Variants in PLCB1 observed in about 807,000 individuals in gnomAD.
The protein encoded by PLCB1 is 1-phosphatidylinositol 4,5-bisphosphate phosphodiesterase beta-1.
Under a neutral mutation model 161.8 loss-of-function variants are expected in PLCB1, and 46 were observed. The observed-to-expected ratio is 0.28, with a 90% CI of 0.22 to 0.36. The LOEUF is 0.36. PLCB1 is among the 10% of genes least tolerant of loss of function. PLCB1 has a pLI of 1.00. For synonymous variants in PLCB1, 517 were observed against 503.7 expected, an observed-to-expected ratio of 1.03 and a Z score of -0.35; for missense variants, 1,016 against 1,472.5, an observed-to-expected ratio of 0.69 and a Z score of 5.07.
rs760037751 is a variant in PLCB1, at chr20:8,504,553, T to C, written c.247-123741T>C. 2.6e-5 allele frequency among the ~76,000 whole-genome samples: 4 copies of C among 152,198 alleles called. 1 individual carries two copies. The highest frequency in any genetic ancestry group is 5.9e-5 in the Non-Finnish European group (4 of 68,050). On this transcript the variant is annotated intron_variant, in intron 3 of 31. Transcript: ENST00000338037. ...TGAAATTCACATAATTAGAAAACTATAGGTGAGTATGCTTTAACCCCCTGC... is the reference window on the plus strand; with the variant it reads ...TGAAATTCACATAATTAGAAAACTACAGGTGAGTATGCTTTAACCCCCTGC...
rs1257909961 is a variant in PLCB1 at position 8,884,248 on chromosome 20, ATAATAT to A, written c.*2408_*2413del. On this transcript the variant is annotated 3_prime_UTR_variant, in exon 32 of 32. Transcript: ENST00000338037. ...ACTACTACAATGATACTATCATTTA[ATAATAT>A]TAATATTACTTGAAATAGACTAAGA... The A allele has an allele frequency of 3.3e-5, 5 of 152,716 alleles. No homozygotes were observed. In the East Asian group the frequency reaches 5.8e-4, roughly 18 times the overall value. The allele number at this position is 152,716 out of a possible 1,614,324, so 9.5% of individuals were successfully genotyped here.
chr20:8,577,662 T>A (rs1986718220), intron 3 of PLCB1, among the ~76,000 whole-genome samples: 1 of 152,104 alleles, frequency 6.6e-6, no homozygotes, highest in Non-Finnish European at 1.5e-5. Flanking sequence ...TAAAATAAAT[T>A]TTAAAAGCTA....
intron 2 of PLCB1, among the ~76,000 whole-genome samples, chr20:8,179,850 T>C (rs2051820635): frequency 7.4e-5 from 4 of 53,842 alleles, no homozygotes; most frequent in Admixed American, 5.7e-4. Flanking sequence ...TGAGGGCTTT[T>C]TTTTTTTTTT....
intron 2 of PLCB1, among the ~76,000 whole-genome samples, chr20:8,344,613 C>T (rs1201629477): frequency 2.0e-5 from 3 of 151,768 alleles, no homozygotes; most frequent in East Asian, 1.9e-4. Flanking sequence ...CCTGCTCCAG[C>T]GATTCCCTGA....
intron 3 of PLCB1, among the ~76,000 whole-genome samples, chr20:8,461,825 G>A (rs774000716): frequency 2.8e-4 from 43 of 152,068 alleles, no homozygotes; most frequent in Non-Finnish European, 5.3e-4. Flanking sequence ...GGGATTTTGT[G>A]TTGTTTGATT....
chr20:8,496,219 G>T (rs1281634978), intron 3 of PLCB1, among the ~76,000 whole-genome samples: 1 of 152,052 alleles, frequency 6.6e-6, no homozygotes, highest in African/African-American at 2.4e-5. Flanking sequence ...GTAGCTGGAC[G>T]TGGTGGCTCA....
At chr20:8,401,730 A>G (rs1978561286) in intron 3 of PLCB1, among the ~76,000 whole-genome samples, 1 of 152,170 alleles carries the variant, frequency 6.6e-6, no homozygotes, top group African/African-American at 2.4e-5. Flanking sequence ...GCAGGAGAAA[A>G]CAGCTAGAGA....
chr20:8,717,521 C>G, intron 13 of PLCB1, 150 bp from the exon 14 acceptor site: 1 of 501,002 alleles, frequency 2.0e-6, no homozygotes, highest in Non-Finnish European at 3.5e-6. Context: ...AATTAGCTCC[C>G]ATGTAAGATA....
At chr20:8,236,321 G>A (rs369985567) in intron 2 of PLCB1, among the ~76,000 whole-genome samples, 6 of 151,998 alleles carry the variant, frequency 3.9e-5, no homozygotes, top group Non-Finnish European at 7.4e-5. Context: ...GCTTGAGGCC[G>A]GGAGTTTGAA....
chr20:8,694,747 A>G (rs1990550401), intron 10 of PLCB1, among the ~76,000 whole-genome samples: 1 of 152,232 alleles, frequency 6.6e-6, no homozygotes, highest in African/African-American at 2.4e-5. Flanking sequence ...ATTGTACAAT[A>G]TGTAATTGTG....
At chr20:8,607,280 C>G (rs1407876007) in intron 3 of PLCB1, among the ~76,000 whole-genome samples, 1 of 152,168 alleles carries the variant, frequency 6.6e-6, no homozygotes, top group Non-Finnish European at 1.5e-5. Context: ...GGCTTCCTGC[C>G]TCCAGTTTTG....
At chr20:8,221,301 G>C (rs943686189) in intron 2 of PLCB1, among the ~76,000 whole-genome samples, 2 of 152,096 alleles carry the variant, frequency 1.3e-5, no homozygotes, top group African/African-American at 4.8e-5. Flanking sequence ...ATCTGAATTA[G>C]CCTTTGTCAT....
intron 12 of PLCB1, among the ~76,000 whole-genome samples, chr20:8,712,838 C>T (rs1678638381): frequency 6.6e-6 from 1 of 152,208 alleles, no homozygotes; most frequent in African/African-American, 2.4e-5. Flanking sequence ...TCAGAAATGT[C>T]TGCTATGACC....
intron 9 of PLCB1, among the ~76,000 whole-genome samples, chr20:8,683,923 A>G (rs748773276): frequency 6.0e-5 from 9 of 150,928 alleles, no homozygotes; most frequent in Admixed American, 6.6e-5. Context: ...TCGCTCTGTC[A>G]CCCAGGCTGG....
intron 31 of PLCB1, among the ~76,000 whole-genome samples, chr20:8,834,376 G>A (rs534036999): frequency 3.3e-5 from 5 of 152,022 alleles, no homozygotes; most frequent in Admixed American, 6.5e-5. Context: ...GAGTTCCCCC[G>A]AGAAATTGAA....
chr20:8,351,675 A>G (rs1986183226), intron 2 of PLCB1, among the ~76,000 whole-genome samples: 1 of 152,060 alleles, frequency 6.6e-6, no homozygotes, highest in Admixed American at 6.6e-5. Context: ...AATATTTGGC[A>G]AAACATATGA....
intron 2 of PLCB1, among the ~76,000 whole-genome samples, chr20:8,221,668 T>C (rs1003873320): frequency 2.6e-5 from 4 of 152,264 alleles, no homozygotes; most frequent in Admixed American, 2.6e-4. Flanking sequence ...CCCCCATCAA[T>C]AAATAATTCT....
At chr20:8,740,281 G>A (rs777221276) in intron 21 of PLCB1, 63 bp from the exon 22 acceptor site, 19 of 824,632 alleles carry the variant, frequency 2.3e-5, no homozygotes, top group Middle Eastern at 2.2e-4. Flanking sequence ...ACATAGATGC[G>A]CATAATTATA....
intron 2 of PLCB1, among the ~76,000 whole-genome samples, chr20:8,370,020 T>C (rs1249977678): frequency 6.6e-6 from 1 of 152,164 alleles, no homozygotes; most frequent in Non-Finnish European, 1.5e-5. Flanking sequence ...TTAGGGAGCT[T>C]GGCCTTTAAG....
Sources: gnomAD v4.1 joint callset for allele counts (sites outside exome capture counted in the v4.1 genomes callset) on GRCh38, gnomAD v4.1.1 for gene constraint, MANE v1.5 for transcripts, NCBI Gene and HGNC (gene_info 2026-07-23, HGNC 2026-07-21) for gene names.